The following PRIM2 variants were observed in gnomAD, a reference collection of about 807,000 sequenced individuals.
PRIM2 encodes DNA primase subunit 2.
Under a neutral mutation model 67.3 loss-of-function variants are expected in PRIM2, and 39 were observed. The observed-to-expected ratio is 0.58, with a 90% confidence interval of 0.45 to 0.76. The LOEUF (loss-of-function observed/expected upper bound fraction) is 0.76, where lower values mean the gene tolerates loss of function less well. Ranked by LOEUF, PRIM2 falls within the 30% of genes least tolerant of loss-of-function variation. The probability of loss-of-function intolerance (pLI) is 0.00; values close to 1 mark genes in which losing one functional copy is unlikely to be tolerated. For missense variants in PRIM2, 398 were observed against 598.7 expected (o/e 0.66, Z 3.50); for synonymous variants, 143 against 198.7 (o/e 0.72, Z 2.36).
chr6:57,339,623 TAAATGGTGCTGGGAA>T (rs1256040471), intron 5 of PRIM2, among the ~76,000 whole-genome samples: 1 of 152,146 alleles, frequency 6.6e-6, no homozygotes, highest in East Asian at 1.9e-4. Flanking sequence ...CCCTATTTAA[TAAATGGTGCTGGGAA>T]AACTGGCTAG....
intron 5 of PRIM2, among the ~76,000 whole-genome samples, chr6:57,349,622 GGT>G (rs1176041000): frequency 6.6e-6 from 1 of 152,046 alleles, no homozygotes; most frequent in Non-Finnish European, 1.5e-5. Flanking sequence ...TTCCACCCAA[GGT>G]GTGTTTCTTT....
the PRIM2 span, among the ~76,000 whole-genome samples, chr6:57,261,859 C>T: frequency 1.3e-5 from 2 of 152,206 alleles, no homozygotes; most frequent in East Asian, 3.8e-4. Context: ...CAGCTCTCAC[C>T]AGGTCTCTCT....
At chr6:57,310,259 A>G (rs1767355795), upstream of PRIM2, among the ~76,000 whole-genome samples, 1 of 152,208 alleles carries the variant, frequency 6.6e-6, no homozygotes, top group Non-Finnish European at 1.5e-5. Flanking sequence ...GACTCTTAAC[A>G]AGCATGCTGC....
chr6:57,343,998 G>C (rs1451268636), intron 5 of PRIM2, among the ~76,000 whole-genome samples: 8 of 152,310 alleles, frequency 5.3e-5, no homozygotes, highest in Admixed American at 5.2e-4. Flanking sequence ...GTCAGACGAA[G>C]GGTGGGGGAT....
intron 7 of PRIM2, among the ~76,000 whole-genome samples, chr6:57,409,206 C>T (rs561358992): frequency 6.6e-6 from 1 of 151,348 alleles, no homozygotes; most frequent in East Asian, 1.9e-4. Flanking sequence ...GATGGAGTCT[C>T]GCTCTGTCGC....
chr6:57,344,391 CT>C (rs953695043), intron 5 of PRIM2, among the ~76,000 whole-genome samples: 1 of 151,440 alleles, frequency 6.6e-6, no homozygotes, highest in Non-Finnish European at 1.5e-5. Flanking sequence ...ATGAAATGAG[CT>C]TTTCTATTGA....
At chr6:57,438,886 C>A (rs940854477) in intron 7 of PRIM2, among the ~76,000 whole-genome samples, 1 of 151,998 alleles carries the variant, frequency 6.6e-6, no homozygotes, top group Non-Finnish European at 1.5e-5. Context: ...GATTCTCCTG[C>A]CTCAGCCTCC....
At chr6:57,364,666 A>G (rs1236760351) in intron 5 of PRIM2, among the ~76,000 whole-genome samples, 1 of 151,862 alleles carries the variant, frequency 6.6e-6, no homozygotes, top group African/African-American at 2.4e-5. Context: ...TAATATAGGG[A>G]GGGCCTCTTG....
intron 7 of PRIM2, among the ~76,000 whole-genome samples, chr6:57,438,929 G>C (rs1223248680): frequency 6.6e-6 from 1 of 151,838 alleles, no homozygotes; most frequent in Admixed American, 6.6e-5. Context: ...GGCTGGTCTG[G>C]AACTCCTACC....
At chr6:57,299,052 TTC>T in the PRIM2 span, among the ~76,000 whole-genome samples, 10 of 151,688 alleles carry the variant, frequency 6.6e-5, no homozygotes, top group Non-Finnish European at 2.9e-5. Flanking sequence ...GTGCCTGAAT[TTC>T]TCTCTCTCTT....
intron 10 of PRIM2, among the ~76,000 whole-genome samples, chr6:57,564,360 T>G (rs1311632487): frequency 1.3e-5 from 2 of 152,238 alleles, no homozygotes; most frequent in Non-Finnish European, 2.9e-5. Context: ...CAGCCTTGTA[T>G]GTGTATGTGT....
rs1777326194 is a variant in PRIM2, at chr6:57,645,914, T to G, written c.1300-14T>G. ...GCCATGCATTAATGCAATATAAATTTCCTTCCTTTACAGGTGGATGATTGT... is the reference window on the plus strand; with the variant it reads ...GCCATGCATTAATGCAATATAAATTGCCTTCCTTTACAGGTGGATGATTGT... On this transcript the variant is annotated splice_polypyrimidine_tract_variant and intron_variant, in intron 13 of 13. Coordinates refer to ENST00000615550, the MANE Select transcript of PRIM2 (RefSeq NM_000947.5). The G allele has an allele frequency of 1.0e-5, 14 of 1,345,204 alleles. No individual in the cohort carries two copies. The highest frequency in any genetic ancestry group is 1.5e-5 in the Non-Finnish European group (14 of 947,246). 83.3% of individuals were successfully genotyped at this position (1,345,204 alleles called of 1,614,324 possible).
intron 7 of PRIM2, among the ~76,000 whole-genome samples, chr6:57,450,711 T>G (rs2127390025): frequency 6.6e-6 from 1 of 152,338 alleles, no homozygotes; most frequent in East Asian, 1.9e-4. Flanking sequence ...ATGCAGTAAG[T>G]GATTTATAAA....
At chr6:57,401,544 A>T (rs1770708639) in intron 7 of PRIM2, among the ~76,000 whole-genome samples, 1 of 151,976 alleles carries the variant, frequency 6.6e-6, no homozygotes, top group African/African-American at 2.4e-5. Context: ...CTCCCCTTTG[A>T]GTGCTGGCTG....
the PRIM2 span, among the ~76,000 whole-genome samples, chr6:57,264,771 A>AT: frequency 6.6e-6 from 1 of 151,592 alleles, no homozygotes; most frequent in African/African-American, 2.4e-5. Context: ...TAATTTTTGC[A>AT]TTTTTTAGTA....
chr6:57,571,665 CAAAACAA>C (rs1253471691), intron 10 of PRIM2, among the ~76,000 whole-genome samples: 68 of 149,822 alleles, frequency 4.5e-4, no homozygotes, highest in Admixed American at 2.3e-3. Context: ...GAAACCAAAA[CAAAACAA>C]AAAACAAAAA....
chr6:57,587,362 A>G (rs1776208418), intron 10 of PRIM2, among the ~76,000 whole-genome samples: 1 of 152,132 alleles, frequency 6.6e-6, no homozygotes, highest in African/African-American at 2.4e-5. Flanking sequence ...ATGAAGGGGA[A>G]TATTATAAAA....
chr6:57,458,633 C>T (rs1269430448), intron 7 of PRIM2, among the ~76,000 whole-genome samples: 3 of 152,200 alleles, frequency 2.0e-5, no homozygotes, highest in Middle Eastern at 6.8e-3. Flanking sequence ...TGCAGTGAGC[C>T]GAGGTTGCGC....
At chr6:57,388,932 G>A (rs1770237096) in intron 7 of PRIM2, among the ~76,000 whole-genome samples, 2 of 152,142 alleles carry the variant, frequency 1.3e-5, no homozygotes, top group African/African-American at 2.4e-5. Flanking sequence ...TGTCAGTGGA[G>A]AAGAGAGGGG....
Sources: gnomAD v4.1 joint callset for allele counts (sites outside exome capture counted in the v4.1 genomes callset) on GRCh38, gnomAD v4.1.1 for gene constraint, MANE v1.5 for transcripts, NCBI Gene and HGNC (gene_info 2026-07-23, HGNC 2026-07-21) for gene names.